The following MYO9A variants were observed in gnomAD, a reference collection of about 807,000 sequenced individuals.
MYO9A encodes unconventional myosin-IXa.
MYO9A carries 103 observed loss-of-function variants against 293.3 expected under a neutral mutation model. That is an observed-to-expected ratio of 0.35 (90% confidence interval 0.30 to 0.41). MYO9A has a LOEUF of 0.41. Among genes scored for constraint, MYO9A ranks in the 10% least tolerant of loss-of-function variants. MYO9A has a pLI of 1.00. For synonymous variants in MYO9A, 1,001 were observed against 1,035.7 expected, an observed-to-expected ratio of 0.97 and a Z score of 0.64; for missense variants, 2,685 against 3,033.0, an observed-to-expected ratio of 0.89 and a Z score of 2.69.
chr15:71,837,417 C>T (rs1284428869), intron 39 of MYO9A, among the ~76,000 whole-genome samples: 1 of 152,048 alleles, frequency 6.6e-6, no homozygotes, highest in Non-Finnish European at 1.5e-5. Flanking sequence ...GTTATAAATT[C>T]CAGGACATCA....
At chr15:72,031,494 A>T (rs1180679367) in intron 3 of MYO9A, among the ~76,000 whole-genome samples, 1 of 152,146 alleles carries the variant, frequency 6.6e-6, no homozygotes, top group African/African-American at 2.4e-5. Flanking sequence ...CAAAAAAAAT[A>T]AATAATAAAT....
intron 31 of MYO9A, among the ~76,000 whole-genome samples, chr15:71,877,743 C>G (rs1350929716): frequency 6.6e-6 from 1 of 152,184 alleles, no homozygotes; most frequent in Non-Finnish European, 1.5e-5. Flanking sequence ...CAGGCATGAG[C>G]CACCGCCCCA....
At chr15:71,883,055 C>T (rs1055049353) in intron 28 of MYO9A, among the ~76,000 whole-genome samples, 1 of 152,160 alleles carries the variant, frequency 6.6e-6, no homozygotes, top group Non-Finnish European at 1.5e-5. Context: ...CTGCCCACCT[C>T]AGCCTCCCAA....
intron 18 of MYO9A, among the ~76,000 whole-genome samples, chr15:71,919,078 C>G (rs2144903453): frequency 6.6e-6 from 1 of 152,306 alleles, no homozygotes; most frequent in African/African-American, 2.4e-5. Flanking sequence ...ATTTTCAACA[C>G]TGCACATAAT....
rs751744365 is a variant in MYO9A at position 71,850,186 on chromosome 15, C to CA, written c.6582-20dup. ...AGCAATCCTAAGAATTAAAACAAAA[C>CA]AAAAAACAAATGAGTAAGGGATAAA... On this transcript the variant is annotated intron_variant, in intron 37 of 41. Transcript: ENST00000356056. 5.6e-6 allele frequency: 9 copies of CA among 1,612,936 alleles called. No homozygotes were observed. The South Asian group carries it at 9.9e-5, about 18-fold the overall frequency.
intron 39 of MYO9A, among the ~76,000 whole-genome samples, chr15:71,847,990 C>G (rs2055465432): frequency 6.6e-6 from 1 of 151,976 alleles, no homozygotes; most frequent in East Asian, 1.9e-4. Context: ...CTGCTGGACC[C>G]CTGAAAGAGT....
intron 18 of MYO9A, among the ~76,000 whole-genome samples, chr15:71,930,709 T>G (rs1321559998): frequency 6.6e-6 from 1 of 152,180 alleles, no homozygotes. Context: ...AACCAGTTAT[T>G]GATAGGTAAA....
At position 71,910,739 on chromosome 15, in the gene MYO9A, T is replaced by C. The variant is rs1006253963; in HGVS notation, c.2685+5631A>G. Among the ~76,000 whole-genome samples the C allele has an allele frequency of 3.3e-5, 5 of 152,218 alleles. No homozygotes were observed. In the South Asian group the frequency reaches 6.2e-4, roughly 19 times the overall value. Reference sequence around the variant, plus strand: ...ATAATAATGTTGAACAGGTTTTACATAGGTGTGTTGGCCTTCTGGATATCA... The same window carrying C: ...ATAATAATGTTGAACAGGTTTTACACAGGTGTGTTGGCCTTCTGGATATCA... On this transcript the variant is annotated intron_variant, in intron 19 of 41. Coordinates refer to ENST00000356056, the MANE Select transcript of MYO9A (RefSeq NM_006901.4).
At chr15:71,906,758 C>CTTTCTTTTTTTTTTCTTTTT (rs765264146) in intron 19 of MYO9A, among the ~76,000 whole-genome samples, 2 of 61,012 alleles carry the variant, frequency 3.3e-5, no homozygotes, top group African/African-American at 1.3e-4. Flanking sequence ...CCATTTCTTT[C>CTTTCTTTTTTTTTTCTTTTT]TTTTTTTTTT....
intron 1 of MYO9A, among the ~76,000 whole-genome samples, chr15:72,068,486 CT>C (rs11345971): frequency 0.65 from 94,109 of 144,476 alleles, 30,847 homozygotes; most frequent in Middle Eastern, 0.75. Flanking sequence ...CCCAATTTCT[CT>C]TTTTTTTTTT....
At chr15:72,096,329 C>T (rs1026315841) in intron 1 of MYO9A, among the ~76,000 whole-genome samples, 37 of 152,156 alleles carry the variant, frequency 2.4e-4, no homozygotes, top group African/African-American at 8.2e-4. Flanking sequence ...CAGTGAGATC[C>T]TGTCTCAGGG....
At chr15:71,862,394 T>G in intron 33 of MYO9A, 106 bp downstream of exon 33, 1 of 809,734 alleles carries the variant, frequency 1.2e-6, no homozygotes, top group Non-Finnish European at 2.1e-6. Flanking sequence ...GGTTAAAAAT[T>G]TAGGTAGTGT....
chr15:72,037,083 T>C (rs1215977689), intron 2 of MYO9A, among the ~76,000 whole-genome samples: 4 of 151,654 alleles, frequency 2.6e-5, no homozygotes, highest in Non-Finnish European at 5.9e-5. Flanking sequence ...CAACCCAGAC[T>C]GGAGTGCAGT....
At chr15:71,982,868 T>C (rs2076310462) in intron 11 of MYO9A, among the ~76,000 whole-genome samples, 1 of 152,240 alleles carries the variant, frequency 6.6e-6, no homozygotes, top group Non-Finnish European at 1.5e-5. Context: ...TGTATACTAC[T>C]TCCCAAGGAA....
Position 72,039,663 on chromosome 15 carries a change from T to C in MYO9A, c.840+6061A>G, listed in dbSNP as rs139290243. On this transcript the variant is annotated intron_variant, in intron 2 of 41. Coordinates refer to ENST00000356056, the MANE Select transcript of MYO9A (RefSeq NM_006901.4). ...GGCCTACATGGAGAAACCCCATCTC[T>C]ACTAAAGACACAAAAATTAGCTGGG... is the stretch of plus-strand genomic sequence containing the variant. Among the ~76,000 whole-genome samples the C allele has an allele frequency of 7.5e-4, 114 of 152,114 alleles. 2 individuals carry two copies. The highest frequency in any genetic ancestry group is 3.1e-3 in the South Asian group (15 of 4,810).
intron 39 of MYO9A, among the ~76,000 whole-genome samples, chr15:71,834,591 G>C (rs1295498912): frequency 1.3e-5 from 2 of 151,698 alleles, no homozygotes; most frequent in African/African-American, 4.8e-5. Flanking sequence ...TGGCAACATG[G>C]CAAAACCCCT....
At chr15:71,988,295 T>C (rs977518233) in intron 11 of MYO9A, among the ~76,000 whole-genome samples, 3 of 152,226 alleles carry the variant, frequency 2.0e-5, no homozygotes, top group Non-Finnish European at 4.4e-5. Flanking sequence ...TAGACATGGA[T>C]GGCAATCCCA....
intron 2 of MYO9A, among the ~76,000 whole-genome samples, chr15:72,037,911 CTT>C (rs918016153): frequency 3.6e-5 from 5 of 139,966 alleles, no homozygotes; most frequent in East Asian, 2.0e-4. Flanking sequence ...AGACTATCAG[CTT>C]TTTTTTTTTT....
At chr15:71,891,989 C>T (rs1596121605) in intron 26 of MYO9A, 1 of 152,252 alleles carries the variant, frequency 6.6e-6, no homozygotes, top group East Asian at 1.9e-4. Context: ...TATTAGAGAG[C>T]TCAGTTACAG....
Sources: allele counts gnomAD v4.1 joint callset (sites outside exome capture counted in the v4.1 genomes callset), GRCh38; gene constraint gnomAD v4.1.1; transcripts MANE v1.5; gene names NCBI Gene and HGNC (gene_info 2026-07-23, HGNC 2026-07-21).